The following NEBL variants were observed in gnomAD, a reference collection of about 807,000 sequenced individuals.
NEBL encodes LIM and SH3 protein 2.
NEBL carries 122 observed loss-of-function variants against 140.2 expected under a neutral mutation model. The ratio of observed to expected loss-of-function variants is 0.87; its 90% CI spans 0.75 to 1.01. The LOEUF is 1.01. Ranked by LOEUF, NEBL falls within the 50% of genes least tolerant of loss-of-function variation. The probability of loss-of-function intolerance (pLI) is 0.00; values close to 1 mark genes in which losing one functional copy is unlikely to be tolerated. For synonymous variants in NEBL, 436 were observed against 398.9 expected, an observed-to-expected ratio of 1.09 and a Z score of -1.11; for missense variants, 1,365 against 1,231.3, an observed-to-expected ratio of 1.11 and a Z score of -1.62.
chr10:20,909,516 A>G (rs1848241599), intron 4 of NEBL, among the ~76,000 whole-genome samples: 1 of 152,230 alleles, frequency 6.6e-6, no homozygotes, highest in Non-Finnish European at 1.5e-5. Context: ...GTACCCAAAT[A>G]GAGCCTGCCT....
intron 3 of NEBL, among the ~76,000 whole-genome samples, chr10:21,196,037 T>C (rs1841642069): frequency 6.6e-6 from 1 of 152,206 alleles, no homozygotes. Context: ...GGAGTCTCAC[T>C]CTGTTGCCCA....
chr10:21,238,132 A>G (rs1317853918), intron 3 of NEBL, among the ~76,000 whole-genome samples: 3 of 152,224 alleles, frequency 2.0e-5, no homozygotes, highest in African/African-American at 7.2e-5. Context: ...GGTGCAAAGC[A>G]AAAATAGAGT....
chr10:20,985,128 AGTG>A (rs1399580875), intron 3 of NEBL, among the ~76,000 whole-genome samples: 2 of 152,352 alleles, frequency 1.3e-5, no homozygotes, highest in African/African-American at 4.8e-5. Context: ...ATAGACATAA[AGTG>A]TACAATAAAT....
At chr10:21,111,110 A>T (rs1161696163) in intron 2 of NEBL, among the ~76,000 whole-genome samples, 1 of 152,210 alleles carries the variant, frequency 6.6e-6, no homozygotes, top group Non-Finnish European at 1.5e-5. Context: ...AAACAAATGG[A>T]AGAACTTTCC....
intron 1 of NEBL, among the ~76,000 whole-genome samples, chr10:21,268,032 G>A (rs74123923): frequency 0.031 from 4,659 of 152,194 alleles, 191 homozygotes; most frequent in African/African-American, 0.096. Flanking sequence ...GATGTGTGGC[G>A]CCCCAACTGC....
At chr10:20,908,861 T>A (rs977496087) in intron 4 of NEBL, among the ~76,000 whole-genome samples, 3 of 152,232 alleles carry the variant, frequency 2.0e-5, no homozygotes, top group African/African-American at 2.4e-5. Flanking sequence ...TATACAGTTA[T>A]GCCCTGCTGC....
chr10:21,122,519 A>G (rs1461474032), intron 2 of NEBL, among the ~76,000 whole-genome samples: 1 of 152,114 alleles, frequency 6.6e-6, no homozygotes, highest in African/African-American at 2.4e-5. Flanking sequence ...TCTACTCACA[A>G]TCCAGAATAA....
intron 4 of NEBL, among the ~76,000 whole-genome samples, chr10:20,881,695 G>A (rs974042684): frequency 5.3e-5 from 8 of 152,020 alleles, no homozygotes; most frequent in Admixed American, 2.0e-4. Context: ...CACAACTGTC[G>A]TGTTCACTGA....
At chr10:20,946,053 C>T (rs1056319275) in intron 4 of NEBL, among the ~76,000 whole-genome samples, 5 of 152,160 alleles carry the variant, frequency 3.3e-5, no homozygotes, top group African/African-American at 4.8e-5. Flanking sequence ...CATGAATGTT[C>T]GTTCTCATCT....
chr10:21,202,461 C>CTTTTTTTTTT lies in NEBL; in HGVS notation n.349-29994_349-29985dup, dbSNP rs35623208. 4.5e-4 allele frequency among the ~76,000 whole-genome samples: 53 copies of CTTTTTTTTTT among 117,304 alleles called. 1 individual carries two copies. Among genetic ancestry groups the CTTTTTTTTTT allele is most frequent in the African/African-American group, 9.9e-4 (29 of 29,414 alleles). 77.0% of individuals were successfully genotyped at this position (117,304 alleles called of 152,430 possible). Reference sequence around the variant, plus strand: ...ACCTTCTAATTTTTCTTTTCTTTTTCTTTTTTTTTTTTTTTTTTTTGAAAC... The same window carrying CTTTTTTTTTT: ...ACCTTCTAATTTTTCTTTTCTTTTTCTTTTTTTTTTTTTTTTTTTTTTTTTTTTTTGAAAC... On this transcript the variant is annotated intron_variant and non_coding_transcript_variant, in intron 3 of 8. Transcript: ENST00000675702.
intron 20 of NEBL, among the ~76,000 whole-genome samples, chr10:20,818,443 C>G (rs184057135): frequency 6.1e-4 from 93 of 152,266 alleles, no homozygotes; most frequent in Non-Finnish European, 2.4e-4. Flanking sequence ...CACAGAGTAG[C>G]GCTGCCTTGT....
rs564133342 is a variant in NEBL, at chr10:21,239,516, T to C, written n.348+8405A>G. Among the ~76,000 whole-genome samples, 3 of 152,216 alleles carry C rather than the reference T, an allele frequency of 2.0e-5. No homozygotes were observed. In the South Asian group the frequency reaches 6.2e-4, roughly 32 times the overall value. On this transcript the variant is annotated intron_variant and non_coding_transcript_variant, in intron 3 of 8. Coordinates refer to the NEBL transcript ENST00000675702. ...CTGTCAGGCTCACTGAAAGGACTTA[T>C]CTGCAAGACCCCCAAACCCAGAATT...
intron 1 of NEBL, among the ~76,000 whole-genome samples, chr10:21,278,845 A>G (rs1842956067): frequency 6.6e-6 from 1 of 151,716 alleles, no homozygotes; most frequent in Admixed American, 6.6e-5. Flanking sequence ...AGGCCTCCTC[A>G]CTCCCCGCAA....
intron 7 of NEBL, among the ~76,000 whole-genome samples, chr10:20,860,567 G>A (rs703095): frequency 0.92 from 108,893 of 117,862 alleles, 50,091 homozygotes; most frequent in Non-Finnish European, 0.99. Flanking sequence ...ACTACAAAAA[G>A]AAAAAAAAAA....
chr10:21,117,880 T>C (rs1346782559), intron 2 of NEBL, among the ~76,000 whole-genome samples: 1 of 149,640 alleles, frequency 6.7e-6, no homozygotes, highest in Non-Finnish European at 1.5e-5. Flanking sequence ...TGACCTTACA[T>C]AAGTTATCTA....
At chr10:20,811,658 G>C (rs1289030570) in intron 24 of NEBL, among the ~76,000 whole-genome samples, 1 of 152,110 alleles carries the variant, frequency 6.6e-6, no homozygotes, top group Non-Finnish European at 1.5e-5. Context: ...TTAGCACCCT[G>C]GTTTTGTAAA....
At chr10:21,110,756 A>G (rs1293553622) in intron 2 of NEBL, 1 of 511,890 alleles carries the variant, frequency 2.0e-6, no homozygotes, top group Non-Finnish European at 3.9e-6. Flanking sequence ...TTTAAAGTGG[A>G]TACTGATGAA....
intron 2 of NEBL, among the ~76,000 whole-genome samples, chr10:21,098,798 T>A (rs777405615): frequency 5.9e-5 from 9 of 152,230 alleles, no homozygotes; most frequent in Admixed American, 1.3e-4. Flanking sequence ...GAACAGTTGT[T>A]TTGCCTGTAG....
intron 1 of NEBL, among the ~76,000 whole-genome samples, chr10:21,273,397 T>G (rs537777838): frequency 6.6e-6 from 1 of 152,284 alleles, no homozygotes; most frequent in African/African-American, 2.4e-5. Flanking sequence ...CTAATAGTCC[T>G]GGAGGGAGCG....
Sources: allele counts gnomAD v4.1 joint callset (sites outside exome capture counted in the v4.1 genomes callset), GRCh38; gene constraint gnomAD v4.1.1; transcripts MANE v1.5; gene names NCBI Gene and HGNC (gene_info 2026-07-23, HGNC 2026-07-21).